Variants in WNK3 observed in about 807,000 individuals in gnomAD.
WNK3 encodes serine/threonine-protein kinase WNK3.
WNK3 carries 18 observed loss-of-function variants against 116.7 expected under a neutral mutation model. The ratio of observed to expected loss-of-function variants is 0.15; its 90% CI spans 0.11 to 0.23. The LOEUF (loss-of-function observed/expected upper bound fraction) is 0.23. Ranked by LOEUF, WNK3 falls within the 10% of genes least tolerant of loss-of-function variation. The pLI, the probability that WNK3 is intolerant of heterozygous loss-of-function variation, is 1.00. For missense variants in WNK3, 993 were observed against 1,323.8 expected, an observed-to-expected ratio of 0.75 and a Z score of 3.88; for synonymous variants, 404 against 469.4, an observed-to-expected ratio of 0.86 and a Z score of 1.80.
chrX:54,321,053 T>C (rs1203322345), intron 2 of WNK3, among the ~76,000 whole-genome samples: 1 of 109,520 alleles, frequency 9.1e-6, no homozygotes, highest in Non-Finnish European at 1.9e-5. Flanking sequence ...TGCGCCACCA[T>C]GCGCCGCTAA....
intron 2 of WNK3, among the ~76,000 whole-genome samples, chrX:54,315,218 A>T (rs782217789): frequency 9.3e-6 from 1 of 106,990 alleles, no homozygotes; most frequent in East Asian, 2.9e-4. Context: ...TGGGAGGATC[A>T]CTTGAGCCTG....
chrX:54,324,944 C>G (rs1203053806), intron 2 of WNK3, among the ~76,000 whole-genome samples: 1 of 111,941 alleles, frequency 8.9e-6, no homozygotes, highest in African/African-American at 3.2e-5. Flanking sequence ...GGGCTAATGT[C>G]TCAAAATATA....
At chrX:54,330,153 C>T (rs1429426474) in intron 2 of WNK3, among the ~76,000 whole-genome samples, 1 of 110,758 alleles carries the variant, frequency 9.0e-6, no homozygotes, top group Admixed American at 9.7e-5. Flanking sequence ...GCAGGCAGAT[C>T]ACAAGGTCAG....
chrX:54,343,896 A>G (rs2069367616), intron 1 of WNK3, among the ~76,000 whole-genome samples: 1 of 110,735 alleles, frequency 9.0e-6, no homozygotes, highest in African/African-American at 3.3e-5. Flanking sequence ...CCTGGGCTCA[A>G]GAGATTCTCC....
chrX:54,200,500 G>A (rs781870143), intron 23 of WNK3, among the ~76,000 whole-genome samples: 57 of 111,401 alleles, frequency 5.1e-4, no homozygotes, highest in African/African-American at 8.1e-4. Context: ...AGCTTTATAG[G>A]TGTTATCTCA....
At chrX:54,236,500 A>T (rs2067963463) in intron 20 of WNK3, among the ~76,000 whole-genome samples, 1 of 111,075 alleles carries the variant, frequency 9.0e-6, no homozygotes, top group South Asian at 3.8e-4. Flanking sequence ...AAAATATATT[A>T]TCATAATATC....
intron 1 of WNK3, among the ~76,000 whole-genome samples, chrX:54,339,427 C>A (rs782628353): frequency 5.4e-5 from 6 of 111,101 alleles, no homozygotes; most frequent in Non-Finnish European, 1.1e-4. Flanking sequence ...AAAAAAAAAT[C>A]ATATGCTATG....
At chrX:54,250,809 G>A (rs2068120668) in intron 15 of WNK3, among the ~76,000 whole-genome samples, 1 of 110,564 alleles carries the variant, frequency 9.0e-6, no homozygotes, top group South Asian at 3.9e-4. Context: ...ATTTGTCTAT[G>A]GCTCTTATCC....
chrX:54,298,520 T>A, intron 6 of WNK3, 126 bp from the exon 7 acceptor site: 2 of 510,659 alleles, frequency 3.9e-6, no homozygotes, highest in Non-Finnish European at 6.2e-6. Context: ...TAATCATTAA[T>A]CTGCCTTGTT....
intron 1 of WNK3, among the ~76,000 whole-genome samples, chrX:54,346,646 G>A (rs1233302040): frequency 9.2e-6 from 1 of 108,349 alleles, no homozygotes; most frequent in East Asian, 2.9e-4. Flanking sequence ...CCCTGGAGTG[G>A]GAGAAATCTG....
intron 22 of WNK3, among the ~76,000 whole-genome samples, chrX:54,215,298 C>T (rs1305302297): frequency 9.0e-6 from 1 of 110,952 alleles, no homozygotes; most frequent in African/African-American, 3.3e-5. Context: ...CTGCCTGATT[C>T]TCCTGCCTCA....
intron 2 of WNK3, among the ~76,000 whole-genome samples, chrX:54,323,900 T>C (rs782785931): frequency 1.6e-4 from 18 of 112,204 alleles, no homozygotes; most frequent in African/African-American, 5.5e-4. Context: ...CTATAGTCTA[T>C]TGTATTCATT....
chrX:54,355,787 A>C (rs782161578), intron 1 of WNK3, among the ~76,000 whole-genome samples: 1 of 111,994 alleles, frequency 8.9e-6, no homozygotes, highest in South Asian at 3.8e-4. Flanking sequence ...CAAAATGTGA[A>C]TGTCCTTCAT....
chrX:54,243,679 C>T (rs1195618508), intron 17 of WNK3, among the ~76,000 whole-genome samples: 1 of 111,473 alleles, frequency 9.0e-6, no homozygotes, highest in Non-Finnish European at 1.9e-5. Context: ...AGTATGTGGA[C>T]AAATCGGAAC....
chrX:54,328,698 ATTG>A, intron 2 of WNK3, among the ~76,000 whole-genome samples: 1 of 112,377 alleles, frequency 8.9e-6, no homozygotes, highest in Non-Finnish European at 1.9e-5. Context: ...GAAAATTACA[ATTG>A]TTGTTTTCTG....
intron 10 of WNK3, among the ~76,000 whole-genome samples, chrX:54,265,159 T>C (rs901812822): frequency 2.7e-5 from 3 of 111,719 alleles, no homozygotes; most frequent in East Asian, 5.6e-4. Context: ...GTCCTCAAGC[T>C]ATAGGCCTAT....
At chrX:54,317,618 G>A (rs1284276957) in intron 2 of WNK3, among the ~76,000 whole-genome samples, 1 of 110,309 alleles carries the variant, frequency 9.1e-6, no homozygotes, top group South Asian at 3.9e-4. Context: ...AGTGGGGAAT[G>A]GGAAGTTAAA....
chrX:54,236,808 T>C, intron 20 of WNK3, 130 bp downstream of exon 20: 1 of 780,977 alleles, frequency 1.3e-6, no homozygotes, highest in Non-Finnish European at 1.8e-6. Flanking sequence ...TCATAAATGT[T>C]TAGCATTAGC....
intron 22 of WNK3, among the ~76,000 whole-genome samples, chrX:54,227,547 C>T (rs1397723765): frequency 8.9e-6 from 1 of 111,883 alleles, no homozygotes; most frequent in South Asian, 3.7e-4. Context: ...ACATAGAGTT[C>T]CCATGTCATC....
Sources: allele counts gnomAD v4.1 joint callset (sites outside exome capture counted in the v4.1 genomes callset), GRCh38; gene constraint gnomAD v4.1.1; transcripts MANE v1.5; gene names NCBI Gene and HGNC (gene_info 2026-07-23, HGNC 2026-07-21).